The following NPTX1 variants were observed in gnomAD, a reference collection of about 807,000 sequenced individuals.
NPTX1 encodes the protein neuronal pentraxin 1, also known as neuronal pentraxin-1.
In NPTX1, 12 loss-of-function variants were observed where a neutral mutation model predicts 38.7. The ratio of observed to expected loss-of-function variants is 0.31; its 90% confidence interval spans 0.20 to 0.50. NPTX1 has a LOEUF of 0.50. Ranked by LOEUF, NPTX1 falls within the 20% of genes least tolerant of loss-of-function variation. The pLI, the probability that NPTX1 is intolerant of heterozygous loss-of-function variation, is 0.98. For missense variants in NPTX1, 454 were observed against 592.2 expected, an observed-to-expected ratio of 0.77 and a Z score of 2.42; for synonymous variants, 272 against 264.9, an observed-to-expected ratio of 1.03 and a Z score of -0.26.
Position 80,476,604 on chromosome 17 carries a change from T to A in NPTX1, c.-158A>T. The A allele has an allele frequency of 4.8e-6, 1 of 206,974 alleles. No homozygotes were observed. Among genetic ancestry groups the A allele is most frequent in the Non-Finnish European group, 8.5e-6 (1 of 117,606 alleles). 12.8% of individuals were successfully genotyped at this position (206,974 alleles called of 1,614,324 possible). A position where few individuals can be genotyped will look rare whatever the true frequency, so the allele number is the denominator to read the frequency against. On this transcript the variant is annotated 5_prime_UTR_variant, in exon 1 of 5. Transcript: ENST00000306773. This position sits in a 1 kb window ranked among gnomAD's most constrained non-coding sequence, Gnocchi z 6.3. ...CACCGCCGCGCTATCAGGCCCCCACTGCCGCCTGCGCTGCGGAGCCCGCGC... is the reference window on the plus strand; with the variant it reads ...CACCGCCGCGCTATCAGGCCCCCACAGCCGCCTGCGCTGCGGAGCCCGCGC...
At position 80,476,348 on chromosome 17, in the gene NPTX1, G is replaced by C; in HGVS notation, c.99C>G (p.Thr33=). Residue 33 remains threonine, a synonymous_variant, in exon 1 of 5, where the codon ACC becomes ACG. Transcript: ENST00000306773. This position sits in a 1 kb window ranked among gnomAD's most constrained non-coding sequence, Gnocchi z 6.3. ...ACATGTCGGCGTCCACGGGCACCGA[G>C]GTGCAGATGAAGCGCGTCGGCCCGA... ...QDFGPTRFIC[T]SVPVDADMCA... 2 of 1,534,608 alleles carry C rather than the reference G, an allele frequency of 1.3e-6. No individual in the cohort carries two copies. The highest frequency in any genetic ancestry group is 1.7e-6 in the Non-Finnish European group (2 of 1,146,724).
Position 80,476,247 on chromosome 17 carries a change from T to C in NPTX1, c.200A>G (p.Gln67Arg). 6.4e-7 allele frequency: 1 copy of C among 1,567,244 alleles called. No individual in the cohort carries two copies. The highest frequency in any genetic ancestry group is 8.6e-7 in the Non-Finnish European group (1 of 1,164,798). ...CTGGCTCAGGATGGTCTCCTTCTGC[T>C]GCAGCACCGTCTCGCGGAGCTGCAG... is the stretch of plus-strand genomic sequence containing the variant. ...SVLQLRETVLQQKETILSQKE... is the reference protein window; with the variant it reads ...SVLQLRETVLRQKETILSQKE... Residue 67 changes from glutamine (Q) to arginine (R), a missense_variant, in exon 1 of 5, where the codon CAG (glutamine) becomes CGG (arginine). Physicochemically the swap from Gln to Arg is conservative, Grantham distance 43. Transcript: ENST00000306773. This position sits in a 1 kb window ranked among gnomAD's most constrained non-coding sequence, Gnocchi z 6.3.
Position 80,476,054 on chromosome 17 carries a change from G to A in NPTX1, c.393C>T (p.Ser131=). 6.2e-7 allele frequency: 1 copy of A among 1,608,914 alleles called. No homozygotes were observed. Among genetic ancestry groups the A allele is most frequent in the Non-Finnish European group, 8.5e-7 (1 of 1,178,414 alleles). ...GCGATTGCAAAGTTTGCCCGAGTTG[G>A]CTGAGCGTCTCGGCGGCCGGTGTCC... ...LSRTPAAETL[S]QLGQTLQSLK... Residue 131 remains serine, a synonymous_variant, in exon 1 of 5, where the codon AGC becomes AGT. Transcript: ENST00000306773. This position sits in a 1 kb window ranked among gnomAD's most constrained non-coding sequence, Gnocchi z 6.3.
rs998640090 is a variant in NPTX1, at chr17:80,476,424, C to A, written c.23G>T (p.Arg8Leu). 1.5e-5 allele frequency: 21 copies of A among 1,363,258 alleles called. No individual in the cohort carries two copies. The highest frequency in any genetic ancestry group is 2.0e-5 in the Non-Finnish European group (21 of 1,065,636). The allele number at this position is 1,363,258 out of a possible 1,614,324, so 84.4% of individuals were successfully genotyped here. Residue 8 changes from arginine (R) to leucine (L), a missense_variant, in exon 1 of 5, where the codon CGC (arginine) becomes CTC (leucine). Physicochemically the swap from Arg to Leu is moderately radical, Grantham distance 102. Transcript: ENST00000306773. The surrounding 1 kb of genome is among the most constrained non-coding windows in gnomAD (Gnocchi z 6.3). ...GCAGAGGGCGAGCAGCGCACAGGTG[C>A]GCGCGGCGCGGCCGGCCGGCATGGC... is the stretch of plus-strand genomic sequence containing the variant. MPAGRAA[R>L]TCALLALCLL... is the part of the protein sequence containing the mutation.
At chr17:80,473,492 C>A (rs746565011) in intron 2 of NPTX1, 48 bp from the exon 3 acceptor site, 4 of 1,598,610 alleles carry the variant, frequency 2.5e-6, no homozygotes, top group Non-Finnish European at 3.4e-6. Context: ...AAGTGCTTAT[C>A]GGTGTCTGAG....
rs2083835221 is a variant in NPTX1 at position 80,470,610 on chromosome 17, G to A, written c.*203C>T. On this transcript the variant is annotated 3_prime_UTR_variant, in exon 5 of 5. Coordinates refer to ENST00000306773, the MANE Select transcript of NPTX1 (RefSeq NM_002522.4). ...CTGAGAGAGTCCGGGCTCCTACAGA[G>A]AAGTGGGGCTTCCTCAGGGACAGAT... 1 of 531,278 alleles carries A rather than the reference G, an allele frequency of 1.9e-6. No individual in the cohort carries two copies. Among genetic ancestry groups the A allele is most frequent in the Admixed American group, 3.4e-5 (1 of 29,490 alleles). 32.9% of individuals were successfully genotyped at this position (531,278 alleles called of 1,614,324 possible). A position where few individuals can be genotyped will look rare whatever the true frequency, so the allele number is the denominator to read the frequency against.
At position 80,469,797 on chromosome 17, in the gene NPTX1, C is replaced by T. The variant is rs1008345913; in HGVS notation, c.*1016G>A. 2.6e-5 allele frequency: 4 copies of T among 152,310 alleles called. No individual in the cohort carries two copies. Among genetic ancestry groups the T allele is most frequent in the African/African-American group, 7.2e-5 (3 of 41,478 alleles). 9.4% of individuals were successfully genotyped at this position (152,310 alleles called of 1,614,324 possible). A position where few individuals can be genotyped will look rare whatever the true frequency, so the allele number is the denominator to read the frequency against. ...TCTTCATCGAAACACGGCTTCTTTC[C>T]TTAAAAGGTCCCCTCTGGTCTGCAC... On this transcript the variant is annotated 3_prime_UTR_variant, in exon 5 of 5. Transcript: ENST00000306773.
At chr17:80,471,085 G>T in intron 4 of NPTX1, 51 bp from the exon 5 acceptor site, 2 of 1,433,344 alleles carry the variant, frequency 1.4e-6, no homozygotes, top group Non-Finnish European at 1.9e-6. Flanking sequence ...GGTGGTCTGG[G>T]GGCCCATCCC....
chr17:80,470,877 G>C lies in NPTX1; in HGVS notation c.1235C>G (p.Ser412Cys). ...LSGNVIAWAESHIEIYGGATK... is the reference protein window; with the variant it reads ...LSGNVIAWAECHIEIYGGATK... ...GGCCCCTCCGTAGATCTCGATGTGG[G>C]ATTCAGCCCAGGCGATGACATTGCC... Residue 412 changes from serine to cysteine, a missense_variant, in exon 5 of 5, where the codon TCC becomes TGC. By Grantham distance (112) the Ser-to-Cys change is moderately radical (BLOSUM62 -1). Transcript: ENST00000306773. The C allele has an allele frequency of 6.2e-7, 1 of 1,611,052 alleles. No individual in the cohort carries two copies. Among genetic ancestry groups the C allele is most frequent in the East Asian group, 2.2e-5 (1 of 44,780 alleles).
In NPTX1 at chr17:80,471,048, C is replaced by T. The variant is rs1199071394; in HGVS notation, c.1078-14G>A. 1.3e-6 allele frequency: 2 copies of T among 1,581,716 alleles called. No individual in the cohort carries two copies. Among genetic ancestry groups the T allele is most frequent in the South Asian group, 2.3e-5 (2 of 86,938 alleles). On this transcript the variant is annotated splice_polypyrimidine_tract_variant and intron_variant, in intron 4 of 4. Coordinates refer to ENST00000306773, the MANE Select transcript of NPTX1 (RefSeq NM_002522.4). The stretch of plus-strand genomic sequence containing the variant: ...ACCCAGAGTGTCCTTCAGAGAAAAA[C>T]AGAGGATGAGAGTGGAGGGGTCGCC...
intron 3 of NPTX1, 42 bp from the exon 4 acceptor site, chr17:80,471,953 G>T: frequency 6.5e-7 from 1 of 1,550,064 alleles, no homozygotes. Context: ...GAGTACAGGG[G>T]TACAGCCCAG....
In NPTX1 at chr17:80,476,139, CG is replaced by C. The variant is rs1435251041; in HGVS notation, c.307del (p.Arg103GlyfsTer79). Reference protein sequence around the residue: ...STLDPGAGEARAGGGRKQPGS... With the variant: ...STLDPGAGEAXAGGGRKQPGS... ...GGGCTGCTTGCGGCCGCCGCCCGCC[CG>C]GGCCTCGCCGGCTCCGGGGTCCAGC... On this transcript the variant is annotated frameshift_variant, in exon 1 of 5. Transcript: ENST00000306773. LOFTEE classifies it high-confidence loss of function. The surrounding 1 kb of genome is among the most constrained non-coding windows in gnomAD (Gnocchi z 6.3). 1 of 1,596,084 alleles carries C rather than the reference CG, an allele frequency of 6.3e-7. No individual in the cohort carries two copies.
At chr17:80,472,207 A>G (rs2083846190) in intron 3 of NPTX1, among the ~76,000 whole-genome samples, 1 of 151,936 alleles carries the variant, frequency 6.6e-6, no homozygotes, top group Non-Finnish European at 1.5e-5. Context: ...AGTCTACACA[A>G]CAAGCCCTAG....
At chr17:80,471,547 C>G (rs971512496) in intron 4 of NPTX1, among the ~76,000 whole-genome samples, 185 bp downstream of exon 4, 1 of 152,248 alleles carries the variant, frequency 6.6e-6, no homozygotes, top group Non-Finnish European at 1.5e-5. Context: ...GAAACCAGAG[C>G]TCACTCCTGC....
rs980791365 is a variant in NPTX1, at chr17:80,475,153, TAAGC to T, written c.652+354_652+357del. Among the ~76,000 whole-genome samples, 1 of 152,140 alleles carries T rather than the reference TAAGC, an allele frequency of 6.6e-6. No individual in the cohort carries two copies. The highest frequency in any genetic ancestry group is 2.4e-5 in the African/African-American group (1 of 41,420). ...GGGACCAGGGAGAGACAGGCTTTCT[TAAGC>T]AGGGAGGGTTTGAGCCAGCGACAGC... is the stretch of plus-strand genomic sequence containing the variant. On this transcript the variant is annotated intron_variant, in intron 2 of 4. Coordinates refer to ENST00000306773, the MANE Select transcript of NPTX1 (RefSeq NM_002522.4). This position sits in a 1 kb window ranked among gnomAD's most constrained non-coding sequence, Gnocchi z 6.5.
Position 80,476,288 on chromosome 17 carries a change from C to T in NPTX1, c.159G>A (p.Glu53=). Residue 53 remains glutamate, a synonymous_variant, in exon 1 of 5, where the codon GAG becomes GAA. Transcript: ENST00000306773. The surrounding 1 kb of genome is among the most constrained non-coding windows in gnomAD (Gnocchi z 6.3). ...GGAGCTGCAGCACGCTGCTCCGGAG[C>T]TCCTCGGCGCCGCCGGCGGCCACGG... ...AASVAAGGAE[E]LRSSVLQLRE... is the part of the protein sequence containing the mutation. 6.4e-7 allele frequency: 1 copy of T among 1,562,426 alleles called. No homozygotes were observed. Among genetic ancestry groups the T allele is most frequent in the Non-Finnish European group, 8.6e-7 (1 of 1,161,832 alleles).
chr17:80,473,165 G>C, intron 3 of NPTX1, 35 bp downstream of exon 3: 1 of 1,600,858 alleles, frequency 6.2e-7, no homozygotes, highest in Non-Finnish European at 8.5e-7. Flanking sequence ...CTGGGGCCTC[G>C]CCCTGCCGCC....
In NPTX1 at chr17:80,473,261, G is replaced by C; in HGVS notation, c.836C>G (p.Ala279Gly). The change falls in exon 3 of 5, where the codon GCC becomes GGC. Residue 279 changes from alanine to glycine, a missense_variant. Around this residue, in one of 4 missense-constraint regions of NPTX1, gnomAD observed 110 missense variants for 197.5 expected, o/e 0.56. Transcript: ENST00000306773. ...TPFSYAVPGQ[A>G]NELVLIEWGN... Reference sequence around the variant, plus strand: ...CCACTCAATGAGGACCAGCTCGTTGGCCTGGCCGGGCACAGCGTAGGAGAA... The same window carrying C: ...CCACTCAATGAGGACCAGCTCGTTGCCCTGGCCGGGCACAGCGTAGGAGAA... 1 of 1,613,806 alleles carries C rather than the reference G, an allele frequency of 6.2e-7. No individual in the cohort carries two copies. Among genetic ancestry groups the C allele is most frequent in the Non-Finnish European group, 8.5e-7 (1 of 1,180,012 alleles).
rs1046167491 is a variant in NPTX1 at position 80,467,429 on chromosome 17, C to G, written c.*3384G>C. 2 of 152,600 alleles carry G rather than the reference C, an allele frequency of 1.3e-5. No individual in the cohort carries two copies. Among genetic ancestry groups the G allele is most frequent in the African/African-American group, 4.8e-5 (2 of 41,438 alleles). The allele number at this position is 152,600 out of a possible 1,614,324, so 9.5% of individuals were successfully genotyped here. A position where few individuals can be genotyped will look rare whatever the true frequency, so the allele number is the denominator to read the frequency against. On this transcript the variant is annotated 3_prime_UTR_variant, in exon 5 of 5. Coordinates refer to ENST00000306773, the MANE Select transcript of NPTX1 (RefSeq NM_002522.4). ...AGGTTAGAACTGATATTCAAATCCT[C>G]GGCTCATTCCACTTAGTAAGTCAGC...
Sources: allele counts gnomAD v4.1 joint callset (sites outside exome capture counted in the v4.1 genomes callset), GRCh38; gene constraint gnomAD v4.1.1; regional missense constraint gnomAD v4.1.1; non-coding constraint Gnocchi (gnomAD v3.1); transcripts MANE v1.5; gene names NCBI Gene and HGNC (gene_info 2026-07-23, HGNC 2026-07-21).